Variants in SLC35D4 observed in about 807,000 individuals in gnomAD.
The protein encoded by SLC35D4 is UDP-N-acetylglucosamine transporter SLC35D4.
At chr18:23,370,462 C>T in the SLC35D4 span, among the ~76,000 whole-genome samples, 2 of 152,152 alleles carry the variant, frequency 1.3e-5, no homozygotes, top group Admixed American at 1.3e-4. Flanking sequence ...ATTCAATAAT[C>T]CTCTATGATA....
At chr18:23,361,725 G>C in the SLC35D4 span, among the ~76,000 whole-genome samples, 1 of 152,186 alleles carries the variant, frequency 6.6e-6, no homozygotes, top group Non-Finnish European at 1.5e-5. Context: ...AAGGGAAGGT[G>C]AACATTTGTG....
chr18:23,276,110 T>C, the SLC35D4 span, among the ~76,000 whole-genome samples: 113 of 152,030 alleles, frequency 7.4e-4, 2 homozygotes, highest in South Asian at 5.6e-3. Flanking sequence ...TTTTCTGAGA[T>C]GGAGTCTCAC....
the SLC35D4 span, chr18:23,257,686 A>G: frequency 3.9e-6 from 1 of 253,418 alleles, no homozygotes; most frequent in Admixed American, 5.4e-5. Context: ...AAACTTTGCA[A>G]GCGTGGTCCA....
chr18:23,385,021 A>G, the SLC35D4 span: 2 of 1,613,820 alleles, frequency 1.2e-6, no homozygotes, highest in Non-Finnish European at 1.7e-6. Context: ...GTACCCACAG[A>G]TGATAACTTC....
the SLC35D4 span, among the ~76,000 whole-genome samples, chr18:23,336,981 T>A: frequency 6.6e-6 from 1 of 151,740 alleles, no homozygotes; most frequent in Non-Finnish European, 1.5e-5. Flanking sequence ...TTTGTAAACA[T>A]ACTTCTATGA....
chr18:23,391,778 T>G, the SLC35D4 span, among the ~76,000 whole-genome samples: 1 of 152,158 alleles, frequency 6.6e-6, no homozygotes, highest in Non-Finnish European at 1.5e-5. Context: ...TGGGCCACCA[T>G]GTCTAGACTT....
the SLC35D4 span, among the ~76,000 whole-genome samples, chr18:23,396,233 AAAG>A: frequency 6.6e-6 from 1 of 152,212 alleles, no homozygotes; most frequent in Non-Finnish European, 1.5e-5. Flanking sequence ...CTTGTCAGAT[AAAG>A]GAGGGCTTTA....
At chr18:23,433,110 G>C in the SLC35D4 span, among the ~76,000 whole-genome samples, 1 of 150,708 alleles carries the variant, frequency 6.6e-6, no homozygotes, top group Non-Finnish European at 1.5e-5. Context: ...ACCCAGGCTG[G>C]AATGTAATGA....
chr18:23,264,582 C>T, the SLC35D4 span, among the ~76,000 whole-genome samples: 4 of 152,106 alleles, frequency 2.6e-5, no homozygotes, highest in East Asian at 1.9e-4. Context: ...AGGCTGGTCT[C>T]GAACTCTTGA....
At chr18:23,313,041 C>T in the SLC35D4 span, among the ~76,000 whole-genome samples, 4 of 143,188 alleles carry the variant, frequency 2.8e-5, no homozygotes, top group East Asian at 2.1e-4. Context: ...GCAGGAGAAT[C>T]GCTGGAACCC....
the SLC35D4 span, among the ~76,000 whole-genome samples, chr18:23,431,578 C>T: frequency 6.6e-6 from 1 of 151,940 alleles, no homozygotes; most frequent in Non-Finnish European, 1.5e-5. Flanking sequence ...TTTTTTCAAA[C>T]TAATTCTGCA....
At chr18:23,257,515 T>C in the SLC35D4 span, 1 of 882,530 alleles carries the variant, frequency 1.1e-6, no homozygotes, top group Non-Finnish European at 1.6e-6. Context: ...TACTAGAAAC[T>C]TTCCAAGGAG....
At chr18:23,267,658 ACT>A in the SLC35D4 span, among the ~76,000 whole-genome samples, 1 of 150,684 alleles carries the variant, frequency 6.6e-6, no homozygotes, top group South Asian at 2.1e-4. Flanking sequence ...CTTCGCCCTG[ACT>A]CTGTCCCGTT....
chr18:23,298,657 C>A, the SLC35D4 span, among the ~76,000 whole-genome samples: 2 of 152,154 alleles, frequency 1.3e-5, no homozygotes, highest in Non-Finnish European at 2.9e-5. Flanking sequence ...TTTTAACATG[C>A]CTCTAATGTA....
chr18:23,274,968 T>C, the SLC35D4 span, among the ~76,000 whole-genome samples: 2 of 151,828 alleles, frequency 1.3e-5, no homozygotes, highest in African/African-American at 4.8e-5. Context: ...TGCTTGTGTG[T>C]GCGCTTGTGT....
chr18:23,283,029 C>G, the SLC35D4 span, among the ~76,000 whole-genome samples: 2 of 151,624 alleles, frequency 1.3e-5, no homozygotes, highest in African/African-American at 2.4e-5. Context: ...CCTTGTTATA[C>G]CCCCTACCTT....
chr18:23,437,697 G>A, the SLC35D4 span: 3 of 1,417,002 alleles, frequency 2.1e-6, no homozygotes, highest in African/African-American at 1.4e-5. Context: ...GTAAAAAGCA[G>A]GAGGAGGCTC....
At chr18:23,323,466 G>C in the SLC35D4 span, among the ~76,000 whole-genome samples, 1 of 152,174 alleles carries the variant, frequency 6.6e-6, no homozygotes, top group Non-Finnish European at 1.5e-5. Context: ...AAGAGCATTG[G>C]CTGGAAGAAG....
the SLC35D4 span, chr18:23,399,597 A>G: frequency 6.2e-7 from 1 of 1,613,994 alleles, no homozygotes; most frequent in South Asian, 1.1e-5. Context: ...CCCAGCATAG[A>G]TTATACCCAC....
Sources: gnomAD v4.1 joint callset for allele counts (sites outside exome capture counted in the v4.1 genomes callset) on GRCh38, gnomAD v4.1.1 for gene constraint, MANE v1.5 for transcripts, NCBI Gene and HGNC (gene_info 2026-07-23, HGNC 2026-07-21) for gene names.